Variants in MYO1D observed in about 807,000 individuals in gnomAD.
MYO1D encodes the protein myosin ID.
MYO1D carries 83 observed loss-of-function variants against 122.0 expected under a neutral mutation model. The ratio of observed to expected loss-of-function variants is 0.68; its 90% CI spans 0.57 to 0.82. The LOEUF (loss-of-function observed/expected upper bound fraction) is 0.82, where lower values mean the gene tolerates loss of function less well. Ranked by LOEUF, MYO1D falls within the 40% of genes least tolerant of loss-of-function variation. The pLI, the probability that MYO1D is intolerant of heterozygous loss-of-function variation, is 0.00. For synonymous variants in MYO1D, 464 were observed against 446.9 expected, an observed-to-expected ratio of 1.04 and a Z score of -0.48; for missense variants, 1,157 against 1,269.5, an observed-to-expected ratio of 0.91 and a Z score of 1.35.
At chr17:32,661,657 A>C (rs867349835) in intron 16 of MYO1D, among the ~76,000 whole-genome samples, 307 of 13,354 alleles carry the variant, frequency 0.023, 5 homozygotes, top group Admixed American at 0.11. Flanking sequence ...CCCTGTCCCA[A>C]AAAAAAAAAA....
chr17:32,530,366 T>C (rs1043578915), intron 21 of MYO1D, among the ~76,000 whole-genome samples: 1 of 152,174 alleles, frequency 6.6e-6, no homozygotes, highest in Non-Finnish European at 1.5e-5. Context: ...TGCTGTAATG[T>C]AGAACATAGG....
At chr17:32,861,070 T>TC (rs1436882370) in intron 1 of MYO1D, among the ~76,000 whole-genome samples, 1 of 146,180 alleles carries the variant, frequency 6.8e-6, no homozygotes, top group African/African-American at 2.5e-5. Context: ...TGTTTATTCT[T>TC]TTTTTTTTTT....
At chr17:32,637,921 T>C (rs1057331826) in intron 20 of MYO1D, among the ~76,000 whole-genome samples, 5 of 152,140 alleles carry the variant, frequency 3.3e-5, no homozygotes, top group African/African-American at 1.2e-4. Flanking sequence ...TGTAAAACAA[T>C]ATGTTTCCTA....
intron 16 of MYO1D, among the ~76,000 whole-genome samples, chr17:32,660,271 C>T (rs1345199797): frequency 2.0e-5 from 3 of 152,228 alleles, no homozygotes; most frequent in South Asian, 4.1e-4. Flanking sequence ...ACTTAAATAA[C>T]TGTTCCAACT....
intron 3 of MYO1D, among the ~76,000 whole-genome samples, chr17:32,777,404 A>G (rs1567637472): frequency 6.6e-6 from 1 of 151,526 alleles, no homozygotes; most frequent in Admixed American, 6.6e-5. Context: ...ACTCTTTACT[A>G]AATTAGTACT....
chr17:32,739,394 C>CA (rs2089747599), intron 13 of MYO1D, among the ~76,000 whole-genome samples: 1 of 148,652 alleles, frequency 6.7e-6, no homozygotes, highest in African/African-American at 2.5e-5. Flanking sequence ...ATCGCAAGGA[C>CA]AAAAAACCAA....
chr17:32,765,496 C>T (rs9910674), intron 7 of MYO1D, among the ~76,000 whole-genome samples: 5,992 of 152,118 alleles, frequency 0.039, 380 homozygotes, highest in African/African-American at 0.13. Context: ...CTCGCTCTGT[C>T]GCCCAGGCTG....
chr17:32,857,515 G>A (rs932544555), intron 1 of MYO1D, among the ~76,000 whole-genome samples: 4 of 151,380 alleles, frequency 2.6e-5, no homozygotes, highest in Non-Finnish European at 5.9e-5. Context: ...AACCCAGGAG[G>A]TGGAGCTTGC....
chr17:32,825,524 CT>C (rs2090714218), intron 1 of MYO1D, among the ~76,000 whole-genome samples: 1 of 152,140 alleles, frequency 6.6e-6, no homozygotes, highest in Non-Finnish European at 1.5e-5. Context: ...AAATCTTGGG[CT>C]CAGGCGATCC....
At chr17:32,672,244 T>C (rs1193390220) in intron 16 of MYO1D, among the ~76,000 whole-genome samples, 1 of 152,216 alleles carries the variant, frequency 6.6e-6, no homozygotes, top group African/African-American at 2.4e-5. Flanking sequence ...CAGTAAATGA[T>C]AAAACTGTAT....
chr17:32,580,251 T>C (rs1312724902), intron 21 of MYO1D, among the ~76,000 whole-genome samples: 2 of 147,312 alleles, frequency 1.4e-5, no homozygotes, highest in African/African-American at 2.5e-5. Flanking sequence ...CTTTACCAGG[T>C]TGTAGAAGTC....
At chr17:32,694,686 C>A (rs550359343) in intron 16 of MYO1D, among the ~76,000 whole-genome samples, 3 of 115,038 alleles carry the variant, frequency 2.6e-5, no homozygotes, top group Non-Finnish European at 4.8e-5. Context: ...CCGGCCTGGG[C>A]GACAGAGCGA....
intron 1 of MYO1D, among the ~76,000 whole-genome samples, chr17:32,791,638 A>T (rs1021446362): frequency 6.6e-5 from 10 of 152,190 alleles, no homozygotes; most frequent in African/African-American, 2.2e-4. Context: ...AGAAGCAAAT[A>T]GAGCAAAATG....
At chr17:32,814,971 C>T (rs998834877) in intron 1 of MYO1D, among the ~76,000 whole-genome samples, 11 of 152,200 alleles carry the variant, frequency 7.2e-5, no homozygotes, top group Admixed American at 4.6e-4. Context: ...GAATCACTTG[C>T]GGGAGGCTTT....
intron 20 of MYO1D, among the ~76,000 whole-genome samples, chr17:32,607,452 A>C (rs1030690759): frequency 6.6e-6 from 1 of 152,334 alleles, no homozygotes; most frequent in East Asian, 1.9e-4. Flanking sequence ...TAGGACCTAC[A>C]TGTTGAAAAC....
intron 14 of MYO1D, among the ~76,000 whole-genome samples, chr17:32,731,332 C>T (rs1263011975): frequency 6.6e-6 from 1 of 152,146 alleles, no homozygotes; most frequent in Non-Finnish European, 1.5e-5. Flanking sequence ...TAAACCTATC[C>T]ATTGAATTTT....
intron 16 of MYO1D, among the ~76,000 whole-genome samples, chr17:32,669,608 G>C (rs1198918684): frequency 6.6e-6 from 1 of 152,108 alleles, no homozygotes. Context: ...AAATTTGCAG[G>C]CCCCAGGCAC....
intron 21 of MYO1D, among the ~76,000 whole-genome samples, chr17:32,536,568 T>C (rs1335224891): frequency 1.3e-5 from 2 of 152,218 alleles, no homozygotes; most frequent in Non-Finnish European, 2.9e-5. Context: ...ATAGATCTTA[T>C]GTGCTGGCTT....
chr17:32,528,101 T>C (rs1309914105), intron 21 of MYO1D, among the ~76,000 whole-genome samples: 23 of 152,198 alleles, frequency 1.5e-4, no homozygotes, highest in Non-Finnish European at 3.4e-4. Flanking sequence ...CCTCCCAAAG[T>C]GCTGGGATTA....
Sources: allele counts gnomAD v4.1 joint callset (sites outside exome capture counted in the v4.1 genomes callset), GRCh38; gene constraint gnomAD v4.1.1; transcripts MANE v1.5; gene names NCBI Gene and HGNC (gene_info 2026-07-23, HGNC 2026-07-21).